The following RARB variants were observed in gnomAD, a reference collection of about 807,000 sequenced individuals.
RARB encodes the protein HBV-activated protein.
Under a neutral mutation model 51.9 loss-of-function variants are expected in RARB, and 17 were observed. The ratio of observed to expected loss-of-function variants is 0.33; its 90% CI spans 0.22 to 0.49. The LOEUF (loss-of-function observed/expected upper bound fraction) is 0.49, where lower values mean the gene tolerates loss of function less well. RARB is among the 20% of genes least tolerant of loss of function. The pLI is 0.99. For synonymous variants in RARB, 215 were observed against 195.4 expected, an observed-to-expected ratio of 1.10 and a Z score of -0.84; for missense variants, 369 against 550.8, an observed-to-expected ratio of 0.67 and a Z score of 3.30.
intron 2 of RARB, among the ~76,000 whole-genome samples, chr3:25,500,311 TTTC>T (rs1456423520): frequency 6.6e-6 from 1 of 152,190 alleles, no homozygotes; most frequent in Non-Finnish European, 1.5e-5. Flanking sequence ...CTCATTTTTA[TTTC>T]TTGTTTCCAA....
chr3:25,453,535 G>T (rs1709290554), intron 1 of RARB, among the ~76,000 whole-genome samples: 1 of 152,124 alleles, frequency 6.6e-6, no homozygotes, highest in African/African-American at 2.4e-5. Flanking sequence ...GAGCCACTGT[G>T]CCCGGCCAAG....
intron 2 of RARB, among the ~76,000 whole-genome samples, chr3:24,867,703 C>T (rs973391545): frequency 3.9e-5 from 6 of 152,064 alleles, no homozygotes; most frequent in East Asian, 1.9e-4. Context: ...AGAAGGAGAC[C>T]TCAGGGTCGT....
chr3:25,582,773 G>A (rs538162755), intron 5 of RARB, among the ~76,000 whole-genome samples: 3 of 152,256 alleles, frequency 2.0e-5, no homozygotes, highest in Admixed American at 2.0e-4. Flanking sequence ...CCTTGGTAGA[G>A]TCAGTAGAAC....
chr3:25,262,635 A>G (rs1703029159), intron 5 of RARB, among the ~76,000 whole-genome samples: 1 of 152,004 alleles, frequency 6.6e-6, no homozygotes, highest in Non-Finnish European at 1.5e-5. Context: ...CACTATATCA[A>G]TCTGATCTAT....
chr3:25,497,109 C>G (rs921714453), intron 2 of RARB, among the ~76,000 whole-genome samples: 4 of 152,192 alleles, frequency 2.6e-5, no homozygotes, highest in African/African-American at 9.7e-5. Flanking sequence ...GTCTCGAACT[C>G]CCGACCCTCA....
intron 5 of RARB, among the ~76,000 whole-genome samples, chr3:25,236,810 T>A (rs559283899): frequency 6.6e-6 from 1 of 151,868 alleles, no homozygotes; most frequent in Non-Finnish European, 1.5e-5. Flanking sequence ...TTATTAAGAG[T>A]GCTAGGAACT....
rs114427129 is a variant in RARB, at chr3:25,012,633, T to C, written c.-379-47492T>C. Among the ~76,000 whole-genome samples the C allele has an allele frequency of 4.5e-3, 682 of 152,288 alleles. 2 individuals carry two copies. The highest frequency in any genetic ancestry group is 0.014 in the African/African-American group (600 of 41,566). On this transcript the variant is annotated intron_variant, in intron 2 of 11. Coordinates refer to the RARB transcript ENST00000383772. Reference sequence around the variant, plus strand: ...TCTGTAGTTTGGCATATTTTGACTTTCTAATGAGTGAGCACCTAAATGTTG... The same window carrying C: ...TCTGTAGTTTGGCATATTTTGACTTCCTAATGAGTGAGCACCTAAATGTTG...
intron 2 of RARB, among the ~76,000 whole-genome samples, chr3:25,014,224 A>G (rs1227956454): frequency 2.0e-5 from 3 of 151,904 alleles, no homozygotes; most frequent in African/African-American, 7.3e-5. Flanking sequence ...TCCCACCAAG[A>G]GATGGAGTCC....
intron 2 of RARB, among the ~76,000 whole-genome samples, chr3:25,475,021 G>T (rs1297529801): frequency 1.3e-5 from 2 of 152,078 alleles, no homozygotes; most frequent in Non-Finnish European, 1.5e-5. Flanking sequence ...AATCGTAAAT[G>T]GGTCTTACTG....
chr3:24,851,587 C>A (rs561441780), intron 1 of RARB, among the ~76,000 whole-genome samples: 6 of 152,084 alleles, frequency 3.9e-5, no homozygotes. Flanking sequence ...CAATCACAGG[C>A]GGGACTCCAG....
chr3:25,471,144 C>G (rs1408502581), intron 2 of RARB, among the ~76,000 whole-genome samples: 3 of 152,146 alleles, frequency 2.0e-5, no homozygotes, highest in African/African-American at 7.2e-5. Context: ...TGTAAACATT[C>G]ATGGAATTAT....
At chr3:25,262,879 C>T (rs567183394) in intron 5 of RARB, among the ~76,000 whole-genome samples, 1 of 152,252 alleles carries the variant, frequency 6.6e-6, no homozygotes, top group African/African-American at 2.4e-5. Context: ...CTGTGCTTAC[C>T]TCTATCATTC....
chr3:24,947,471 T>C (rs1460054294), intron 2 of RARB, among the ~76,000 whole-genome samples: 1 of 152,180 alleles, frequency 6.6e-6, no homozygotes, highest in African/African-American at 2.4e-5. Flanking sequence ...GTAGAACGTG[T>C]GTAAATCATG....
chr3:24,856,209 G>A (rs1702632471), intron 1 of RARB, among the ~76,000 whole-genome samples: 1 of 152,068 alleles, frequency 6.6e-6, no homozygotes, highest in South Asian at 2.1e-4. Context: ...TCATCCATGA[G>A]GCTCTAAGAC....
At chr3:25,461,152 C>T in intron 1 of RARB, 41 bp from the exon 2 acceptor site, 2 of 1,502,592 alleles carry the variant, frequency 1.3e-6, no homozygotes, top group Non-Finnish European at 1.8e-6. Context: ...AACTAAAATA[C>T]ATTTTCTCTT....
chr3:25,557,832 AC>A (rs1487761114), intron 3 of RARB, among the ~76,000 whole-genome samples: 1 of 152,174 alleles, frequency 6.6e-6, no homozygotes, highest in African/African-American at 2.4e-5. Flanking sequence ...TGGTCCAGCC[AC>A]AGCCCAGAAC....
At chr3:25,380,123 A>G (rs1007950295) in intron 5 of RARB, among the ~76,000 whole-genome samples, 2 of 152,204 alleles carry the variant, frequency 1.3e-5, no homozygotes, top group Non-Finnish European at 2.9e-5. Flanking sequence ...ATAGAAATGT[A>G]AAGAGAAAAA....
chr3:24,861,752 C>T lies in RARB; in HGVS notation c.-380+3000C>T, dbSNP rs190067905. Among the ~76,000 whole-genome samples, 9 of 152,240 alleles carry T rather than the reference C, an allele frequency of 5.9e-5. No homozygotes were observed. In the East Asian group the frequency reaches 1.7e-3, roughly 29 times the overall value. On this transcript the variant is annotated intron_variant, in intron 2 of 11. Transcript: ENST00000383772. ...GCATTCAAGCTGCAGTGATATCACA[C>T]GTCATGTAGCCTCTGGAAAACTGCA...
intron 3 of RARB, among the ~76,000 whole-genome samples, chr3:25,520,063 G>A (rs73149315): frequency 0.035 from 5,311 of 152,258 alleles, 293 homozygotes; most frequent in African/African-American, 0.12. Context: ...ACAGCCACAT[G>A]CATTCACTTA....
Sources: allele counts gnomAD v4.1 joint callset (sites outside exome capture counted in the v4.1 genomes callset), GRCh38; gene constraint gnomAD v4.1.1; transcripts MANE v1.5; gene names NCBI Gene and HGNC (gene_info 2026-07-23, HGNC 2026-07-21).